The following C10orf67 variants were observed in gnomAD, a reference collection of about 807,000 sequenced individuals.
C10orf67 encodes chromosome 10 open reading frame 67.
Under a neutral mutation model 35.6 loss-of-function variants are expected in C10orf67, and 60 were observed. The observed-to-expected ratio is 1.68, with a 90% CI of 1.37 to 2.09. The LOEUF is 2.09. Among genes scored for constraint, C10orf67 ranks in the 30% most tolerant of loss-of-function variants. The probability of loss-of-function intolerance (pLI) is 0.00; values close to 1 mark genes in which losing one functional copy is unlikely to be tolerated. For synonymous variants in C10orf67, 167 were observed against 115.8 expected, an observed-to-expected ratio of 1.44 and a Z score of -2.84; for missense variants, 474 against 330.2, an observed-to-expected ratio of 1.44 and a Z score of -3.38.
chr10:23,302,372 T>C (rs1207342743), intron 5 of C10orf67, among the ~76,000 whole-genome samples: 1 of 152,186 alleles, frequency 6.6e-6, no homozygotes, highest in African/African-American at 2.4e-5. Flanking sequence ...CCTTGGTTCA[T>C]GTACCATCTT....
At chr10:23,241,876 A>T (rs1015945881) in intron 12 of C10orf67, among the ~76,000 whole-genome samples, 1 of 151,876 alleles carries the variant, frequency 6.6e-6, no homozygotes, top group Non-Finnish European at 1.5e-5. Context: ...AAGGGAAAAA[A>T]TTTAAAGTAC....
At chr10:23,322,928 A>T (rs1431996504) in intron 2 of C10orf67, among the ~76,000 whole-genome samples, 1 of 152,142 alleles carries the variant, frequency 6.6e-6, no homozygotes, top group Non-Finnish European at 1.5e-5. Flanking sequence ...ATTCCAATTC[A>T]TTCTCTGGTT....
At chr10:23,275,423 A>G (rs1203481465) in intron 8 of C10orf67, among the ~76,000 whole-genome samples, 7 of 152,166 alleles carry the variant, frequency 4.6e-5, no homozygotes, top group South Asian at 2.1e-4. Context: ...CTTCGGGAAG[A>G]GATTGTCCCC....
chr10:23,305,674 T>A (rs535050117), intron 4 of C10orf67, among the ~76,000 whole-genome samples: 2 of 152,258 alleles, frequency 1.3e-5, no homozygotes, highest in African/African-American at 2.4e-5. Flanking sequence ...AGATAAGAGA[T>A]AACAAGTATT....
chr10:23,242,837 A>T (rs1043888299), intron 12 of C10orf67, among the ~76,000 whole-genome samples: 1 of 152,180 alleles, frequency 6.6e-6, no homozygotes, highest in Non-Finnish European at 1.5e-5. Context: ...GAAGAAATAT[A>T]AAACAGGTCA....
chr10:23,306,326 C>G (rs1458473880), intron 4 of C10orf67, among the ~76,000 whole-genome samples: 1 of 151,976 alleles, frequency 6.6e-6, no homozygotes, highest in African/African-American at 2.4e-5. Flanking sequence ...GAGTTCGAGA[C>G]TAGCCTGGCC....
intron 6 of C10orf67, among the ~76,000 whole-genome samples, chr10:23,290,637 A>G (rs1445817487): frequency 1.3e-5 from 2 of 152,262 alleles, no homozygotes; most frequent in African/African-American, 4.8e-5. Flanking sequence ...AGAGGTATTA[A>G]GTATACAAAT....
intron 8 of C10orf67, among the ~76,000 whole-genome samples, chr10:23,281,261 T>C (rs748443294): frequency 6.6e-6 from 1 of 152,208 alleles, no homozygotes; most frequent in Non-Finnish European, 1.5e-5. Context: ...GAAACAGTCA[T>C]GACTTGGCAC....
chr10:23,233,447 A>G (rs953715480), intron 13 of C10orf67, among the ~76,000 whole-genome samples: 4 of 152,244 alleles, frequency 2.6e-5, no homozygotes, highest in Non-Finnish European at 4.4e-5. Flanking sequence ...TTCATGGTCC[A>G]GTTTATAAGA....
At chr10:23,303,796 C>A (rs1844177128) in intron 4 of C10orf67, among the ~76,000 whole-genome samples, 1 of 152,206 alleles carries the variant, frequency 6.6e-6, no homozygotes, top group Non-Finnish European at 1.5e-5. Flanking sequence ...GTCTACTCAA[C>A]AAGAATTTGG....
chr10:23,319,177 C>T (rs1269986550), intron 4 of C10orf67, among the ~76,000 whole-genome samples: 1 of 152,064 alleles, frequency 6.6e-6, no homozygotes, highest in Non-Finnish European at 1.5e-5. Context: ...CTCAAGTAGG[C>T]CCCTGTGTCT....
intron 4 of C10orf67, among the ~76,000 whole-genome samples, chr10:23,314,028 A>C (rs1449159988): frequency 6.6e-6 from 1 of 152,188 alleles, no homozygotes; most frequent in Admixed American, 6.5e-5. Context: ...GGAGGTAAAA[A>C]AACTGGCAGG....
chr10:23,220,930 T>G (rs1312528581), intron 15 of C10orf67, among the ~76,000 whole-genome samples: 1 of 152,208 alleles, frequency 6.6e-6, no homozygotes, highest in Non-Finnish European at 1.5e-5. Flanking sequence ...ATACTTTAAA[T>G]AATAATGTTC....
chr10:23,238,984 T>C (rs560864013), intron 13 of C10orf67, among the ~76,000 whole-genome samples: 29 of 152,168 alleles, frequency 1.9e-4, no homozygotes, highest in Non-Finnish European at 3.8e-4. Flanking sequence ...GTGACAAATG[T>C]TGAAAAAAAA....
chr10:23,328,593 C>T (rs897921885), intron 2 of C10orf67, among the ~76,000 whole-genome samples: 1 of 151,836 alleles, frequency 6.6e-6, no homozygotes, highest in East Asian at 1.9e-4. Flanking sequence ...AACTCTATAC[C>T]TCTTGATATT....
In C10orf67 at chr10:23,204,010, T is replaced by C. The variant is rs1841088163; in HGVS notation, c.*163A>G. On this transcript the variant is annotated 3_prime_UTR_variant, in exon 16 of 16. Transcript: ENST00000636213. ...CGCGCACAAGGCGCGCATTGAGGTC[T>C]ATTCGAGCGCAGTGCTGGTTAATAT... 2.6e-6 allele frequency: 1 copy of C among 385,362 alleles called. No individual in the cohort carries two copies. The highest frequency in any genetic ancestry group is 1.4e-4 in the South Asian group (1 of 7,102). 23.9% of individuals were successfully genotyped at this position (385,362 alleles called of 1,614,324 possible).
At chr10:23,331,086 ATAGG>A (rs1845429259) in intron 2 of C10orf67, among the ~76,000 whole-genome samples, 3 of 19,246 alleles carry the variant, frequency 1.6e-4, no homozygotes, top group African/African-American at 3.7e-4. Context: ...GAGGGAGGGG[ATAGG>A]AGGGGAGGGG....
intron 10 of C10orf67, among the ~76,000 whole-genome samples, chr10:23,260,128 CT>C (rs1366345095): frequency 6.6e-6 from 1 of 152,024 alleles, no homozygotes; most frequent in Non-Finnish European, 1.5e-5. Context: ...GAAAGAGAAA[CT>C]CTTGAAGTCA....
At chr10:23,212,986 G>C (rs1189731117) in intron 15 of C10orf67, among the ~76,000 whole-genome samples, 1 of 151,998 alleles carries the variant, frequency 6.6e-6, no homozygotes, top group Non-Finnish European at 1.5e-5. Flanking sequence ...TGTTCAAAGA[G>C]TTCATGTTTA....
Sources: gnomAD v4.1 joint callset for allele counts (sites outside exome capture counted in the v4.1 genomes callset) on GRCh38, gnomAD v4.1.1 for gene constraint, MANE v1.5 for transcripts, NCBI Gene and HGNC (gene_info 2026-07-23, HGNC 2026-07-21) for gene names.